Variants in ADAMTSL1 observed in about 807,000 individuals in gnomAD.
The protein encoded by ADAMTSL1 is ADAMTS like 1, also known as ADAMTS-like protein 1.
A neutral mutation model predicts 201.8 loss-of-function variants in ADAMTSL1; 126 were observed. That is an observed-to-expected ratio of 0.62 (90% CI 0.54 to 0.72). The LOEUF (loss-of-function observed/expected upper bound fraction) is 0.72, where lower values mean the gene tolerates loss of function less well. Ranked by LOEUF, ADAMTSL1 falls within the 30% of genes least tolerant of loss-of-function variation. The pLI, the probability that ADAMTSL1 is intolerant of heterozygous loss-of-function variation, is 0.00. For synonymous variants in ADAMTSL1, 1,121 were observed against 903.4 expected, an observed-to-expected ratio of 1.24 and a Z score of -4.32; for missense variants, 2,679 against 2,277.8, an observed-to-expected ratio of 1.18 and a Z score of -3.59.
At chr9:18,188,851 C>G (rs1057301822) in intron 2 of ADAMTSL1, among the ~76,000 whole-genome samples, 1 of 152,144 alleles carries the variant, frequency 6.6e-6, no homozygotes, top group Non-Finnish European at 1.5e-5. Flanking sequence ...ATGGGCCAGG[C>G]AGCATTAAGG....
intron 2 of ADAMTSL1, among the ~76,000 whole-genome samples, chr9:18,261,012 CT>C (rs3085417): frequency 0.11 from 11,916 of 104,022 alleles, 434 homozygotes; most frequent in African/African-American, 0.16. Context: ...TTTCCTTTTT[CT>C]TTTTTTTTTT....
intron 4 of ADAMTSL1, among the ~76,000 whole-genome samples, chr9:18,618,564 A>G (rs1228758215): frequency 6.6e-6 from 1 of 151,716 alleles, no homozygotes; most frequent in Non-Finnish European, 1.5e-5. Context: ...TTAGACACAT[A>G]AAAGATTTAT....
intron 1 of ADAMTSL1, among the ~76,000 whole-genome samples, chr9:18,162,554 G>C (rs1827439998): frequency 6.6e-6 from 1 of 151,690 alleles, no homozygotes; most frequent in South Asian, 2.1e-4. Context: ...TTTTTGTCTT[G>C]GTATCATATG....
chr9:18,114,671 G>GA (rs1587082704), intron 1 of ADAMTSL1, among the ~76,000 whole-genome samples: 1 of 151,982 alleles, frequency 6.6e-6, no homozygotes, highest in African/African-American at 2.4e-5. Flanking sequence ...AATATTAAGA[G>GA]AAAAAAACAA....
At chr9:18,302,903 T>C (rs902367636) in intron 2 of ADAMTSL1, among the ~76,000 whole-genome samples, 1 of 152,192 alleles carries the variant, frequency 6.6e-6, no homozygotes, top group Non-Finnish European at 1.5e-5. Context: ...ATGGTGTATA[T>C]GGGAAAGAGA....
intron 1 of ADAMTSL1, among the ~76,000 whole-genome samples, chr9:18,160,473 C>G (rs1391941222): frequency 6.6e-6 from 1 of 151,970 alleles, no homozygotes; most frequent in African/African-American, 2.4e-5. Flanking sequence ...TCTGTTTTCT[C>G]TCTGCAAAAC....
chr9:18,018,442 C>A (rs1477230360), intron 1 of ADAMTSL1, among the ~76,000 whole-genome samples: 1 of 151,998 alleles, frequency 6.6e-6, no homozygotes, highest in Non-Finnish European at 1.5e-5. Flanking sequence ...AATAGTAATT[C>A]CCTCTAATAG....
intron 7 of ADAMTSL1, among the ~76,000 whole-genome samples, chr9:18,641,904 A>G (rs1287518395): frequency 1.3e-5 from 2 of 151,992 alleles, no homozygotes; most frequent in Admixed American, 6.6e-5. Context: ...TATATAATAC[A>G]TATGTATAGT....
At chr9:18,314,338 G>A (rs368209573) in intron 2 of ADAMTSL1, among the ~76,000 whole-genome samples, 1 of 152,106 alleles carries the variant, frequency 6.6e-6, no homozygotes, top group South Asian at 2.1e-4. Flanking sequence ...TCTTGGTCTC[G>A]CTGACTTCAA....
At chr9:18,748,031 G>A (rs1303572967) in intron 15 of ADAMTSL1, among the ~76,000 whole-genome samples, 3 of 152,338 alleles carry the variant, frequency 2.0e-5, no homozygotes, top group African/African-American at 7.2e-5. Flanking sequence ...CTGGTCAGAA[G>A]TCAGTTGTTC....
At chr9:18,422,387 A>T (rs927797017) in intron 2 of ADAMTSL1, among the ~76,000 whole-genome samples, 3 of 152,086 alleles carry the variant, frequency 2.0e-5, no homozygotes, top group Non-Finnish European at 4.4e-5. Context: ...TAATACATTG[A>T]CTTCTCTCTG....
At chr9:18,200,279 A>G (rs1829383864) in intron 2 of ADAMTSL1, among the ~76,000 whole-genome samples, 1 of 152,078 alleles carries the variant, frequency 6.6e-6, no homozygotes. Context: ...ATTAAAAAAA[A>G]AAAATTTGTA....
At chr9:18,803,369 G>C (rs928869929) in intron 20 of ADAMTSL1, among the ~76,000 whole-genome samples, 3 of 152,166 alleles carry the variant, frequency 2.0e-5, no homozygotes, top group African/African-American at 7.2e-5. Flanking sequence ...CAGCAATGGA[G>C]GGCTGAGTTT....
intron 20 of ADAMTSL1, among the ~76,000 whole-genome samples, chr9:18,815,583 C>T (rs992921437): frequency 6.6e-6 from 1 of 151,326 alleles, no homozygotes; most frequent in Admixed American, 6.6e-5. Context: ...TGGTATACAC[C>T]TGTAGTTTCA....
At chr9:17,986,289 C>G (rs10963381) in intron 1 of ADAMTSL1, among the ~76,000 whole-genome samples, 15,417 of 151,950 alleles carry the variant, frequency 0.1, 1,080 homozygotes, top group African/African-American at 0.2. Flanking sequence ...CAATGACCAC[C>G]TACTCTCCTT....
intron 1 of ADAMTSL1, among the ~76,000 whole-genome samples, chr9:18,076,214 T>C (rs1366920068): frequency 3.3e-5 from 5 of 152,222 alleles, no homozygotes; most frequent in Admixed American, 2.6e-4. Context: ...AATAAAACTA[T>C]TGCTCAACAT....
At chr9:18,656,628 C>CAAAAAAAAAAAA (rs34965386) in intron 7 of ADAMTSL1, among the ~76,000 whole-genome samples, 1 of 75,366 alleles carries the variant, frequency 1.3e-5, no homozygotes, top group Non-Finnish European at 2.6e-5. Flanking sequence ...GACTCCATCG[C>CAAAAAAAAAAAA]AAAAAAAAAA....
At chr9:18,453,950 T>A (rs1442469802) in intron 2 of ADAMTSL1, among the ~76,000 whole-genome samples, 1 of 152,218 alleles carries the variant, frequency 6.6e-6, no homozygotes, top group East Asian at 1.9e-4. Flanking sequence ...GAACCACTCG[T>A]AGTACCAAAA....
intron 25 of ADAMTSL1, among the ~76,000 whole-genome samples, chr9:18,891,350 A>C (rs1300668212): frequency 6.6e-6 from 1 of 151,434 alleles, no homozygotes; most frequent in Non-Finnish European, 1.5e-5. Flanking sequence ...TTGTTAGATA[A>C]ATTTTCTCCA....
Sources: allele counts gnomAD v4.1 joint callset (sites outside exome capture counted in the v4.1 genomes callset), GRCh38; gene constraint gnomAD v4.1.1; transcripts MANE v1.5; gene names NCBI Gene and HGNC (gene_info 2026-07-23, HGNC 2026-07-21).